Variants in AGBL4 observed in about 807,000 individuals in gnomAD.
AGBL4 encodes AGBL carboxypeptidase 4, also known as cytosolic carboxypeptidase 6.
A neutral mutation model predicts 66.4 loss-of-function variants in AGBL4; 58 were observed. The observed-to-expected ratio is 0.87, with a 90% CI of 0.71 to 1.09. The LOEUF (loss-of-function observed/expected upper bound fraction) is 1.09. AGBL4 is among the 50% of genes least tolerant of loss of function. The pLI is 0.00. For synonymous variants in AGBL4, 234 were observed against 222.9 expected (o/e 1.05, Z -0.44); for missense variants, 579 against 631.0 (o/e 0.92, Z 0.88).
In AGBL4 at chr1:49,948,560, T is replaced by A. The variant is rs1417584686; in HGVS notation, c.34+75203A>T. On this transcript the variant is annotated intron_variant, in intron 1 of 13. Coordinates refer to ENST00000371839, the MANE Select transcript of AGBL4 (RefSeq NM_032785.4). Reference sequence around the variant, plus strand: ...AAATATATAAATATATATAAATATATAAAAATATATATATATATATATAGA... The same window carrying A: ...AAATATATAAATATATATAAATATAAAAAAATATATATATATATATATAGA... Among the ~76,000 whole-genome samples, 59 of 100,812 alleles carry A rather than the reference T, an allele frequency of 5.9e-4. No homozygotes were observed. The East Asian group carries it at 0.012, about 21-fold the overall frequency. 66.1% of individuals were successfully genotyped at this position (100,812 alleles called of 152,430 possible). A position where few individuals can be genotyped will look rare whatever the true frequency, so the allele number is the denominator to read the frequency against.
chr1:49,882,992 GC>G (rs1265945355), intron 1 of AGBL4, among the ~76,000 whole-genome samples: 4 of 152,076 alleles, frequency 2.6e-5, no homozygotes, highest in African/African-American at 9.6e-5. Context: ...ACCTACCTCT[GC>G]CTACACGTAC....
At chr1:48,608,333 A>C (rs769590682) in intron 9 of AGBL4, among the ~76,000 whole-genome samples, 1 of 152,240 alleles carries the variant, frequency 6.6e-6, no homozygotes, top group Non-Finnish European at 1.5e-5. Flanking sequence ...ACTGTAAAGA[A>C]GAAGGGATCT....
intron 6 of AGBL4, among the ~76,000 whole-genome samples, chr1:48,669,950 T>C (rs1389851254): frequency 6.6e-6 from 1 of 152,090 alleles, no homozygotes; most frequent in East Asian, 1.9e-4. Flanking sequence ...TGGCCTAAAA[T>C]CTCATATCTA....
rs531054552 is a variant in AGBL4 at position 49,377,919 on chromosome 1, T to C, written c.283-132055A>G. On this transcript the variant is annotated intron_variant, in intron 3 of 13. Transcript: ENST00000371839. ...ACAGTCTGAAACAAAGGCAATCAGT[T>C]CCATGCTTGTGAGACACATAAAAAT... 3.3e-5 allele frequency among the ~76,000 whole-genome samples: 5 copies of C among 152,140 alleles called. No homozygotes were observed. The South Asian group carries it at 8.3e-4, about 25-fold the overall frequency.
chr1:48,853,734 G>A (rs758940969), intron 6 of AGBL4, among the ~76,000 whole-genome samples: 1 of 151,910 alleles, frequency 6.6e-6, no homozygotes, highest in African/African-American at 2.4e-5. Flanking sequence ...ATTCCCATGA[G>A]GTCTGTCTAC....
chr1:48,687,795 T>C (rs1052927862), intron 6 of AGBL4, among the ~76,000 whole-genome samples: 3 of 152,204 alleles, frequency 2.0e-5, no homozygotes, highest in East Asian at 3.9e-4. Context: ...CACCCTCGGC[T>C]GGCACTCCTG....
At chr1:49,513,438 C>G (rs1259728032) in intron 3 of AGBL4, among the ~76,000 whole-genome samples, 1 of 151,856 alleles carries the variant, frequency 6.6e-6, no homozygotes, top group Non-Finnish European at 1.5e-5. Context: ...TCTAGGATTC[C>G]ATAGTGTCTG....
chr1:48,667,726 T>C (rs1012266117), intron 6 of AGBL4, among the ~76,000 whole-genome samples: 16 of 152,214 alleles, frequency 1.1e-4, no homozygotes, highest in Non-Finnish European at 2.2e-4. Context: ...TGACTTTCAA[T>C]GAGGACCAAA....
intron 3 of AGBL4, among the ~76,000 whole-genome samples, chr1:49,493,019 A>T (rs1439926937): frequency 1.3e-5 from 2 of 151,922 alleles, no homozygotes; most frequent in Non-Finnish European, 1.5e-5. Context: ...GCAAAAGAGA[A>T]AAAGCCCCTT....
At chr1:49,706,636 G>C (rs1410703343) in intron 2 of AGBL4, among the ~76,000 whole-genome samples, 1 of 152,084 alleles carries the variant, frequency 6.6e-6, no homozygotes, top group Non-Finnish European at 1.5e-5. Flanking sequence ...TCATTGTGAT[G>C]TTAGGGTGTC....
chr1:48,720,067 T>A (rs1406317238), intron 6 of AGBL4, among the ~76,000 whole-genome samples: 1 of 152,208 alleles, frequency 6.6e-6, no homozygotes, highest in Non-Finnish European at 1.5e-5. Context: ...TTTTTGGTAT[T>A]TATTTCCCAT....
At chr1:49,360,144 A>G (rs1644107561) in intron 3 of AGBL4, among the ~76,000 whole-genome samples, 1 of 152,184 alleles carries the variant, frequency 6.6e-6, no homozygotes, top group Non-Finnish European at 1.5e-5. Flanking sequence ...GTCTGAAATA[A>G]TCATCAGTTT....
intron 1 of AGBL4, among the ~76,000 whole-genome samples, chr1:49,879,539 C>T (rs1052914898): frequency 1.4e-3 from 200 of 148,124 alleles, no homozygotes; most frequent in South Asian, 6.3e-3. Flanking sequence ...CGCTGTTAGT[C>T]TGATGGGCTT....
At chr1:48,689,677 G>A (rs1646597831) in intron 6 of AGBL4, among the ~76,000 whole-genome samples, 1 of 152,128 alleles carries the variant, frequency 6.6e-6, no homozygotes, top group Non-Finnish European at 1.5e-5. Context: ...TCATTATCCC[G>A]AAAGTACTGT....
chr1:49,006,277 GA>G (rs201810751), intron 5 of AGBL4, among the ~76,000 whole-genome samples: 3,430 of 152,208 alleles, frequency 0.023, 127 homozygotes, highest in African/African-American at 0.075. Flanking sequence ...AGGGCACCTG[GA>G]AAATCGGGTC....
intron 7 of AGBL4, among the ~76,000 whole-genome samples, chr1:48,655,903 G>A (rs546227558): frequency 1.3e-5 from 2 of 152,174 alleles, no homozygotes; most frequent in Non-Finnish European, 2.9e-5. Flanking sequence ...AATTCTCAAG[G>A]ATACTTCCTA....
At chr1:49,149,044 A>T (rs1646275664) in intron 4 of AGBL4, among the ~76,000 whole-genome samples, 1 of 152,112 alleles carries the variant, frequency 6.6e-6, no homozygotes, top group Non-Finnish European at 1.5e-5. Flanking sequence ...TCTGGACTTG[A>T]GCTATGTATG....
At chr1:48,921,493 T>C (rs1316965595) in intron 5 of AGBL4, among the ~76,000 whole-genome samples, 1 of 152,204 alleles carries the variant, frequency 6.6e-6, no homozygotes, top group African/African-American at 2.4e-5. Flanking sequence ...TACACCTTTG[T>C]TATTTAGTAG....
At chr1:49,446,165 T>C (rs1308679440) in intron 3 of AGBL4, among the ~76,000 whole-genome samples, 3 of 152,216 alleles carry the variant, frequency 2.0e-5, no homozygotes, top group Non-Finnish European at 4.4e-5. Context: ...TTTTACATTC[T>C]TTATCTGGGA....
Sources: gnomAD v4.1 joint callset for allele counts (sites outside exome capture counted in the v4.1 genomes callset) on GRCh38, gnomAD v4.1.1 for gene constraint, MANE v1.5 for transcripts, NCBI Gene and HGNC (gene_info 2026-07-23, HGNC 2026-07-21) for gene names.